Variants in SETD3 observed in about 807,000 individuals in gnomAD.
SETD3 encodes actin-histidine N-methyltransferase.
Under a neutral mutation model 63.0 loss-of-function variants are expected in SETD3, and 19 were observed. That is an observed-to-expected ratio of 0.30 (90% CI 0.21 to 0.44). The LOEUF (loss-of-function observed/expected upper bound fraction) is 0.44, where lower values mean the gene tolerates loss of function less well. Ranked by LOEUF, SETD3 falls within the 20% of genes least tolerant of loss-of-function variation. SETD3 has a pLI of 1.00. For synonymous variants in SETD3, 286 were observed against 264.1 expected, an observed-to-expected ratio of 1.08 and a Z score of -0.80; for missense variants, 587 against 728.5, an observed-to-expected ratio of 0.81 and a Z score of 2.24.
intron 6 of SETD3, among the ~76,000 whole-genome samples, chr14:99,441,156 TTGTC>T (rs1272397635): frequency 6.6e-6 from 1 of 152,168 alleles, no homozygotes; most frequent in African/African-American, 2.4e-5. Context: ...CTGGGAAAAG[TTGTC>T]TGTCTGTGAG....
At chr14:99,480,060 G>A (rs909708087) in intron 1 of SETD3, among the ~76,000 whole-genome samples, 1 of 151,952 alleles carries the variant, frequency 6.6e-6, no homozygotes, top group African/African-American at 2.4e-5. Context: ...CCCTAGTAGG[G>A]CACTGCGCGT....
intron 10 of SETD3, 129 bp downstream of exon 10, chr14:99,405,076 T>C: frequency 7.6e-7 from 1 of 1,307,774 alleles, no homozygotes; most frequent in Non-Finnish European, 1.0e-6. Context: ...AAATTTGCTG[T>C]GCCACGGGGA....
At chr14:99,430,136 G>A (rs1893093771) in intron 6 of SETD3, among the ~76,000 whole-genome samples, 1 of 152,214 alleles carries the variant, frequency 6.6e-6, no homozygotes, top group African/African-American at 2.4e-5. Flanking sequence ...GTTGAATCCA[G>A]GAACCAAGTT....
chr14:99,400,225 A>G lies in SETD3; in HGVS notation c.1212T>C (p.Ala404=). 3 of 1,613,804 alleles carry G rather than the reference A, an allele frequency of 1.9e-6. No homozygotes were observed. The highest frequency in any genetic ancestry group is 2.5e-6 in the Non-Finnish European group (3 of 1,179,916). ...TCCCCAAGGTGAAGATTCTATCAAT[A>G]GCGCTGTCTCCCAGCAAGTGTTCTT... The part of the protein sequence containing the change: ...ELKEHLLGDS[A]IDRIFTLGNS... The change falls in exon 12 of 13, where the codon GCT becomes GCC. Residue 404 remains alanine, a synonymous_variant. Transcript: ENST00000331768.
intron 6 of SETD3, among the ~76,000 whole-genome samples, chr14:99,426,989 G>A (rs952833291): frequency 1.3e-5 from 2 of 152,182 alleles, no homozygotes; most frequent in African/African-American, 4.8e-5. Flanking sequence ...AGGTGGGGAC[G>A]CAGGGAGAAG....
rs537668406 is a variant in SETD3 at position 99,444,011 on chromosome 14, C to T, written c.675+14268G>A. Among the ~76,000 whole-genome samples the T allele has an allele frequency of 2.2e-4, 33 of 152,248 alleles. No individual in the cohort carries two copies. The East Asian group carries it at 6.0e-3, about 28-fold the overall frequency. On this transcript the variant is annotated intron_variant, in intron 6 of 12. Transcript: ENST00000331768. ...ACAGACATCACCTTCTTTACTCCCA[C>T]GCAGCCAGGTTGACAATCACAGACC... is the stretch of plus-strand genomic sequence containing the variant.
intron 6 of SETD3, among the ~76,000 whole-genome samples, chr14:99,446,626 G>A (rs1347001912): frequency 3.3e-5 from 5 of 152,126 alleles, no homozygotes; most frequent in African/African-American, 9.7e-5. Context: ...TAGGGAAAAC[G>A]TGCATCACTT....
intron 8 of SETD3, chr14:99,410,350 A>C: frequency 1.6e-6 from 2 of 1,221,142 alleles, no homozygotes; most frequent in African/African-American, 1.5e-5. Context: ...CTAAATATAA[A>C]TGTTTTAGAT....
intron 6 of SETD3, among the ~76,000 whole-genome samples, chr14:99,425,752 T>C (rs1340216795): frequency 6.6e-6 from 1 of 152,224 alleles, no homozygotes; most frequent in Non-Finnish European, 1.5e-5. Flanking sequence ...TTACTCAGGC[T>C]GTAAAGATGG....
intron 1 of SETD3, among the ~76,000 whole-genome samples, chr14:99,480,136 G>A (rs1045026959): frequency 1.3e-5 from 2 of 152,260 alleles, no homozygotes; most frequent in Admixed American, 1.3e-4. Flanking sequence ...CTTCCTAACT[G>A]GACGGCGCGG....
chr14:99,473,051 C>T (rs923356299), intron 1 of SETD3, among the ~76,000 whole-genome samples: 5 of 152,106 alleles, frequency 3.3e-5, no homozygotes, highest in Admixed American at 2.6e-4. Context: ...TTTAAAACAC[C>T]ACATACCACT....
chr14:99,466,618 CGGG>C (rs33981608), intron 1 of SETD3, among the ~76,000 whole-genome samples: 142,603 of 149,218 alleles, frequency 0.96, 68,256 homozygotes, highest in East Asian at 0.98. Flanking sequence ...TGAAGAATGG[CGGG>C]GGGGGGGGGG....
At chr14:99,437,071 AG>A (rs1442882896) in intron 6 of SETD3, among the ~76,000 whole-genome samples, 12 of 152,336 alleles carry the variant, frequency 7.9e-5, no homozygotes, top group African/African-American at 2.9e-4. Context: ...ATCACCAACT[AG>A]GTATGAACTG....
In SETD3 at chr14:99,480,813, G is replaced by C. The variant is rs1374954525; in HGVS notation, c.-94C>G. 1 of 162,374 alleles carries C rather than the reference G, an allele frequency of 6.2e-6. No individual in the cohort carries two copies. Among genetic ancestry groups the C allele is most frequent in the Non-Finnish European group, 1.3e-5 (1 of 77,070 alleles). 10.1% of individuals were successfully genotyped at this position (162,374 alleles called of 1,614,324 possible). On this transcript the variant is annotated 5_prime_UTR_variant, in exon 1 of 13. Transcript: ENST00000331768. ...CTCAACCAACCCCCAGGCGGTGGCG[G>C]CGGTGGCGGCGGCGGCGGCCGGACG...
In SETD3 at chr14:99,480,792, ACCAACCC is replaced by A. The variant is rs1441349590; in HGVS notation, c.-80_-74del. 3 of 159,152 alleles carry A rather than the reference ACCAACCC, an allele frequency of 1.9e-5. No homozygotes were observed. Among genetic ancestry groups the A allele is most frequent in the Non-Finnish European group, 4.0e-5 (3 of 74,558 alleles). 9.9% of individuals were successfully genotyped at this position (159,152 alleles called of 1,614,324 possible). A position where few individuals can be genotyped will look rare whatever the true frequency, so the allele number is the denominator to read the frequency against. Reference sequence around the variant, plus strand: ...GGCCCGGACCCCGCCGTCCGCCTCAACCAACCCCCAGGCGGTGGCGGCGGTGGCGGCG... The same window carrying A: ...GGCCCGGACCCCGCCGTCCGCCTCAACCAGGCGGTGGCGGCGGTGGCGGCG... On this transcript the variant is annotated 5_prime_UTR_variant, in exon 1 of 13. Coordinates refer to ENST00000331768, the MANE Select transcript of SETD3 (RefSeq NM_032233.3).
intron 6 of SETD3, among the ~76,000 whole-genome samples, chr14:99,442,893 C>T (rs1036113443): frequency 1.3e-5 from 2 of 152,068 alleles, no homozygotes; most frequent in Non-Finnish European, 2.9e-5. Flanking sequence ...AAGAGGGGAG[C>T]GAATACCCAG....
intron 6 of SETD3, among the ~76,000 whole-genome samples, chr14:99,418,367 C>G (rs1251516567): frequency 6.6e-6 from 1 of 152,068 alleles, no homozygotes; most frequent in Non-Finnish European, 1.5e-5. Context: ...GGGACTATCT[C>G]TTTTAATTAG....
At chr14:99,476,785 T>C (rs1566739744) in intron 1 of SETD3, among the ~76,000 whole-genome samples, 1 of 152,208 alleles carries the variant, frequency 6.6e-6, no homozygotes, top group African/African-American at 2.4e-5. Context: ...TCCTGATGAA[T>C]TGTATTCTTA....
chr14:99,478,928 T>A (rs1896112914), intron 1 of SETD3, among the ~76,000 whole-genome samples: 1 of 152,196 alleles, frequency 6.6e-6, no homozygotes, highest in African/African-American at 2.4e-5. Flanking sequence ...AAAGCTTAAT[T>A]ATCATTTAAA....
Sources: allele counts gnomAD v4.1 joint callset (sites outside exome capture counted in the v4.1 genomes callset), GRCh38; gene constraint gnomAD v4.1.1; transcripts MANE v1.5; gene names NCBI Gene and HGNC (gene_info 2026-07-23, HGNC 2026-07-21).